TRAPPC9: variants seen among roughly 807,000 people sequenced by gnomAD.
TRAPPC9 encodes the protein trafficking protein particle complex subunit 9, also known as IKK2 binding protein.
Under a neutral mutation model 124.0 loss-of-function variants are expected in TRAPPC9, and 83 were observed. The ratio of observed to expected loss-of-function variants is 0.67; its 90% CI spans 0.56 to 0.80. TRAPPC9 has a LOEUF of 0.80. TRAPPC9 is among the 30% of genes least tolerant of loss of function. The pLI is 0.00. For missense variants in TRAPPC9, 1,302 were observed against 1,508.3 expected (o/e 0.86, Z 2.27); for synonymous variants, 638 against 617.5 (o/e 1.03, Z -0.49).
At position 140,257,526 on chromosome 8, in the gene TRAPPC9, G is replaced by A. The variant is rs147111980; in HGVS notation, c.2279-4597C>T. 1.4e-3 allele frequency among the ~76,000 whole-genome samples: 206 copies of A among 152,284 alleles called. 3 individuals carry two copies. The highest frequency in any genetic ancestry group is 4.1e-3 in the South Asian group (20 of 4,822). On this transcript the variant is annotated intron_variant, in intron 15 of 22. Coordinates refer to ENST00000438773, the MANE Select transcript of TRAPPC9 (RefSeq NM_001160372.4). This position sits in a 1 kb window ranked among gnomAD's most constrained non-coding sequence, Gnocchi z 4.6. ...AAAAAGGACCCCGTGCCATGCGAGC[G>A]CACAGGGGAGGGAGGAAAGAAGCAC... is the stretch of plus-strand genomic sequence containing the variant.
At chr8:140,221,419 G>A (rs777010205) in intron 17 of TRAPPC9, 40 bp downstream of exon 17, 23 of 1,612,466 alleles carry the variant, frequency 1.4e-5, no homozygotes, top group South Asian at 8.8e-5. Flanking sequence ...GCAGAAGCCC[G>A]AACGGCACGT....
In TRAPPC9 at chr8:139,832,443, C is replaced by T. The variant is rs998459210; in HGVS notation, c.3055+53436G>A. Reference sequence around the variant, plus strand: ...AGCCCAGCCGCTGGTTGGTCTGGGACGAGCAGGTATGGCCCGAAGCAGGGG... The same window carrying T: ...AGCCCAGCCGCTGGTTGGTCTGGGATGAGCAGGTATGGCCCGAAGCAGGGG... On this transcript the variant is annotated intron_variant, in intron 21 of 22. Transcript: ENST00000438773. Among the ~76,000 whole-genome samples the T allele has an allele frequency of 5.3e-5, 8 of 152,150 alleles. 1 individual carries two copies. Among genetic ancestry groups the T allele is most frequent in the Admixed American group, 3.9e-4 (6 of 15,278 alleles).
At chr8:140,142,959 A>C (rs962443338) in intron 17 of TRAPPC9, among the ~76,000 whole-genome samples, 8 of 152,202 alleles carry the variant, frequency 5.3e-5, no homozygotes, top group African/African-American at 1.7e-4. Flanking sequence ...CAGATACATT[A>C]AAACCCTCTG....
chr8:139,997,948 A>G (rs1212388898), intron 18 of TRAPPC9, among the ~76,000 whole-genome samples: 4 of 138,912 alleles, frequency 2.9e-5, no homozygotes, highest in African/African-American at 1.1e-4. Flanking sequence ...CATCCCACAC[A>G]GGGAGACAAT....
At chr8:140,114,315 G>A (rs1451401241) in intron 17 of TRAPPC9, among the ~76,000 whole-genome samples, 2 of 130,946 alleles carry the variant, frequency 1.5e-5, no homozygotes, top group Non-Finnish European at 3.1e-5. Context: ...GGGTTCATAA[G>A]GACGAAAAGG....
chr8:139,797,822 G>A (rs1348234273), intron 21 of TRAPPC9, among the ~76,000 whole-genome samples: 10 of 152,178 alleles, frequency 6.6e-5, no homozygotes, highest in Admixed American at 6.5e-4. Context: ...GCAAGGGTTG[G>A]TTTCTAGACA....
intron 7 of TRAPPC9, among the ~76,000 whole-genome samples, chr8:140,395,316 C>T (rs941763147): frequency 5.9e-5 from 9 of 152,218 alleles, no homozygotes; most frequent in African/African-American, 2.2e-4. Context: ...TTTGACTTAT[C>T]GGCCTCCCTA....
intron 16 of TRAPPC9, among the ~76,000 whole-genome samples, chr8:140,229,876 A>G (rs905414355): frequency 6.6e-6 from 1 of 152,166 alleles, no homozygotes; most frequent in Non-Finnish European, 1.5e-5. Flanking sequence ...TTTTCAATGT[A>G]CCAAATATTC....
intron 9 of TRAPPC9, among the ~76,000 whole-genome samples, chr8:140,341,912 G>A (rs1464820371): frequency 6.6e-6 from 1 of 152,244 alleles, no homozygotes; most frequent in African/African-American, 2.4e-5. Flanking sequence ...AAAGAGCAGT[G>A]CACAATGTGT....
At chr8:139,773,423 G>A (rs1052130876) in intron 21 of TRAPPC9, among the ~76,000 whole-genome samples, 27 of 152,236 alleles carry the variant, frequency 1.8e-4, no homozygotes, top group Admixed American at 1.2e-3. Flanking sequence ...TGCAGCAGAC[G>A]GCACTGGGTG....
At chr8:140,300,237 GCACGCACGCATGCATACACACATA>G (rs1375345186) in intron 11 of TRAPPC9, among the ~76,000 whole-genome samples, 1 of 148,474 alleles carries the variant, frequency 6.7e-6, no homozygotes, top group African/African-American at 2.6e-5. Flanking sequence ...ACATATGCAT[GCACGCACGCATGCATACACACATA>G]CACGCACATA....
chr8:139,942,945 T>C (rs1025495554), intron 19 of TRAPPC9, among the ~76,000 whole-genome samples: 2 of 152,200 alleles, frequency 1.3e-5, no homozygotes, highest in Non-Finnish European at 2.9e-5. Flanking sequence ...ATGTTGTACA[T>C]AGAATCTGCC....
At chr8:140,395,573 T>C (rs935952450) in intron 7 of TRAPPC9, among the ~76,000 whole-genome samples, 1 of 152,158 alleles carries the variant, frequency 6.6e-6, no homozygotes, top group Non-Finnish European at 1.5e-5. Flanking sequence ...TCTGAGATGG[T>C]GGTGACTGTT....
At chr8:140,208,895 G>A (rs1458036587) in intron 17 of TRAPPC9, among the ~76,000 whole-genome samples, 2 of 152,176 alleles carry the variant, frequency 1.3e-5, no homozygotes, top group Non-Finnish European at 2.9e-5. Context: ...CCACATATTT[G>A]CAGGGCCAAC....
At chr8:139,897,870 A>G (rs1481585631) in intron 20 of TRAPPC9, among the ~76,000 whole-genome samples, 1 of 152,234 alleles carries the variant, frequency 6.6e-6, no homozygotes, top group African/African-American at 2.4e-5. Flanking sequence ...AGCACTAAAG[A>G]CACAGAGACT....
intron 21 of TRAPPC9, among the ~76,000 whole-genome samples, chr8:139,739,471 C>T (rs1305857294): frequency 6.6e-6 from 1 of 152,234 alleles, no homozygotes; most frequent in Non-Finnish European, 1.5e-5. Flanking sequence ...GTCTCCTCGG[C>T]CCTACGAGTT....
intron 2 of TRAPPC9, among the ~76,000 whole-genome samples, chr8:140,440,279 G>A (rs554798232): frequency 6.6e-6 from 1 of 152,196 alleles, no homozygotes; most frequent in African/African-American, 2.4e-5. Flanking sequence ...AGACCGAGGC[G>A]GGCGGATCAC....
Position 140,241,826 on chromosome 8 carries a change from G to A in TRAPPC9, c.2431+10951C>T, listed in dbSNP as rs4736153. On this transcript the variant is annotated intron_variant, in intron 16 of 22. Transcript: ENST00000438773. This position sits in a 1 kb window ranked among gnomAD's most constrained non-coding sequence, Gnocchi z 5.0. Reference sequence around the variant, plus strand: ...GGGTGTGGAACACTCGGCAGCCTTCGCAGCGTGCCTTCCGTCCCTCACTTG... The same window carrying A: ...GGGTGTGGAACACTCGGCAGCCTTCACAGCGTGCCTTCCGTCCCTCACTTG... Among the ~76,000 whole-genome samples, 7,500 of 152,276 alleles carry A rather than the reference G, an allele frequency of 0.049. 251 individuals are homozygous for A. Among genetic ancestry groups the A allele is most frequent in the Non-Finnish European group, 0.072 (4,863 of 68,008 alleles).
At chr8:140,002,611 A>C (rs1587465644) in intron 18 of TRAPPC9, among the ~76,000 whole-genome samples, 1 of 152,138 alleles carries the variant, frequency 6.6e-6, no homozygotes, top group African/African-American at 2.4e-5. Context: ...AGTAGTAAAG[A>C]CTTATTCTAG....
Sources: gnomAD v4.1 joint callset for allele counts (sites outside exome capture counted in the v4.1 genomes callset) on GRCh38, gnomAD v4.1.1 for gene constraint, Gnocchi (gnomAD v3.1) non-coding constraint, MANE v1.5 for transcripts, NCBI Gene and HGNC (gene_info 2026-07-23, HGNC 2026-07-21) for gene names.